SLC25A48: variants seen among roughly 807,000 people sequenced by gnomAD.
SLC25A48 encodes the protein solute carrier family 25 member 48, also known as CTC-321K16.1.
In SLC25A48, 29 loss-of-function variants were observed where a neutral mutation model predicts 32.2. That is an observed-to-expected ratio of 0.90 (90% confidence interval 0.67 to 1.23). The LOEUF (loss-of-function observed/expected upper bound fraction) is 1.23, where lower values mean the gene tolerates loss of function less well. Ranked by LOEUF, SLC25A48 falls within the 50% of genes most tolerant of loss-of-function variation. The pLI is 0.00. For missense variants in SLC25A48, 399 were observed against 422.7 expected, an observed-to-expected ratio of 0.94 and a Z score of 0.49; for synonymous variants, 164 against 172.3, an observed-to-expected ratio of 0.95 and a Z score of 0.38.
intron 4 of SLC25A48, among the ~76,000 whole-genome samples, chr5:135,860,465 C>A (rs192396105): frequency 5.3e-5 from 8 of 152,294 alleles, no homozygotes; most frequent in African/African-American, 1.9e-4. Context: ...CACATCCTGT[C>A]CAAGGGAGTG....
intron 1 of SLC25A48, among the ~76,000 whole-genome samples, chr5:135,628,111 A>T (rs1752478562): frequency 3.3e-5 from 5 of 152,210 alleles, no homozygotes; most frequent in Non-Finnish European, 4.4e-5. Flanking sequence ...AGAAGGTGAC[A>T]TTTGGCTGGG....
chr5:135,818,054 CCTCTCTCTCTCT>C (rs58632457), intron 4 of SLC25A48, among the ~76,000 whole-genome samples: 1,188 of 80,566 alleles, frequency 0.015, 13 homozygotes, highest in East Asian at 0.033. Flanking sequence ...TCTCTCTGTT[CCTCTCTCTCTCT>C]CTCTCTCTCT....
chr5:135,723,192 C>T (rs575040190), intron 3 of SLC25A48, among the ~76,000 whole-genome samples: 1 of 152,152 alleles, frequency 6.6e-6, no homozygotes, highest in Non-Finnish European at 1.5e-5. Flanking sequence ...GCTCTTAAGT[C>T]TTTTTAACTC....
intron 3 of SLC25A48, among the ~76,000 whole-genome samples, chr5:135,755,087 G>T (rs1180037587): frequency 6.6e-6 from 1 of 151,180 alleles, no homozygotes; most frequent in East Asian, 2.0e-4. Flanking sequence ...ATAATATCCA[G>T]TGTTTATACA....
intron 1 of SLC25A48, chr5:135,835,183 C>G: frequency 1.6e-6 from 1 of 634,772 alleles, no homozygotes; most frequent in Non-Finnish European, 2.9e-6. Context: ...AAGCCCACAG[C>G]CAATGGAGGC....
At chr5:135,735,444 T>C (rs1337692559) in intron 3 of SLC25A48, among the ~76,000 whole-genome samples, 1 of 152,222 alleles carries the variant, frequency 6.6e-6, no homozygotes, top group East Asian at 1.9e-4. Flanking sequence ...CTGTAAAGCA[T>C]CTCAGGGTTG....
chr5:135,715,276 C>A (rs17168967), intron 3 of SLC25A48, among the ~76,000 whole-genome samples: 33,618 of 152,072 alleles, frequency 0.22, 3,740 homozygotes, highest in Middle Eastern at 0.3. Flanking sequence ...AGAAGGGGCA[C>A]ATTTCTGTCT....
At chr5:135,818,099 CT>C (rs1757781919) in intron 4 of SLC25A48, among the ~76,000 whole-genome samples, 5 of 136,560 alleles carry the variant, frequency 3.7e-5, no homozygotes, top group Admixed American at 1.5e-4. Flanking sequence ...CTCTCTCTCT[CT>C]CTCTCTCTCT....
intron 3 of SLC25A48, among the ~76,000 whole-genome samples, chr5:135,760,513 G>A (rs1408304262): frequency 6.6e-6 from 1 of 152,176 alleles, no homozygotes; most frequent in Non-Finnish European, 1.5e-5. Context: ...ACAGCAAGAG[G>A]CCAAAAAATG....
chr5:135,779,263 C>T (rs758392354), intron 3 of SLC25A48, among the ~76,000 whole-genome samples: 2 of 151,024 alleles, frequency 1.3e-5, no homozygotes, highest in African/African-American at 4.9e-5. Flanking sequence ...GGGAGAGAGG[C>T]TGATATTACT....
At chr5:135,623,387 T>A (rs1246270525) in intron 1 of SLC25A48, among the ~76,000 whole-genome samples, 1 of 152,216 alleles carries the variant, frequency 6.6e-6, no homozygotes, top group Non-Finnish European at 1.5e-5. Context: ...ATCGGCATGG[T>A]GCTCAAGGCT....
At chr5:135,771,396 G>A (rs1756406886) in intron 3 of SLC25A48, among the ~76,000 whole-genome samples, 1 of 151,716 alleles carries the variant, frequency 6.6e-6, no homozygotes, top group South Asian at 2.1e-4. Context: ...TATATCACGG[G>A]GGGTGTTCAC....
chr5:135,632,340 C>T (rs1752595531), intron 2 of SLC25A48, among the ~76,000 whole-genome samples: 1 of 152,098 alleles, frequency 6.6e-6, no homozygotes, highest in African/African-American at 2.4e-5. Flanking sequence ...GGCACAGCGA[C>T]CTATTAGGAG....
At chr5:135,823,461 G>A (rs995144028) in intron 4 of SLC25A48, among the ~76,000 whole-genome samples, 2 of 152,132 alleles carry the variant, frequency 1.3e-5, no homozygotes, top group African/African-American at 2.4e-5. Context: ...TAAAGACTTC[G>A]TTCCTGGCCA....
intron 7 of SLC25A48, among the ~76,000 whole-genome samples, chr5:135,884,303 G>A (rs781146834): frequency 3.3e-5 from 5 of 152,038 alleles, no homozygotes; most frequent in Non-Finnish European, 5.9e-5. Context: ...CCGTCTCTTC[G>A]GTGTGAAACC....
At chr5:135,873,234 C>G (rs76452314) in intron 5 of SLC25A48, among the ~76,000 whole-genome samples, 20,229 of 152,200 alleles carry the variant, frequency 0.13, 1,741 homozygotes, top group African/African-American at 0.23. Flanking sequence ...AGAGCTACTG[C>G]GCAGCAATTA....
At chr5:135,850,620 G>A in intron 3 of SLC25A48, 124 bp downstream of exon 3, 1 of 829,516 alleles carries the variant, frequency 1.2e-6, no homozygotes, top group South Asian at 1.6e-5. Flanking sequence ...CACTCAGCTT[G>A]ATTTTCCCTA....
At chr5:135,684,833 C>CT (rs989219084) in intron 3 of SLC25A48, among the ~76,000 whole-genome samples, 2 of 152,202 alleles carry the variant, frequency 1.3e-5, no homozygotes, top group African/African-American at 4.8e-5. Context: ...TTTACATAGT[C>CT]AGTTTCCCAT....
At chr5:135,846,690 T>C (rs763404667) in intron 2 of SLC25A48, among the ~76,000 whole-genome samples, 27 of 152,240 alleles carry the variant, frequency 1.8e-4, no homozygotes, top group Non-Finnish European at 3.5e-4. Context: ...GGGCTAAATA[T>C]TGCATGAAGG....
Sources: allele counts gnomAD v4.1 joint callset (sites outside exome capture counted in the v4.1 genomes callset), GRCh38; gene constraint gnomAD v4.1.1; transcripts MANE v1.5; gene names NCBI Gene and HGNC (gene_info 2026-07-23, HGNC 2026-07-21).